Variants in FHAD1 observed in about 807,000 individuals in gnomAD.
FHAD1 encodes the protein forkhead associated phosphopeptide binding domain 1, also known as forkhead-associated domain-containing protein 1.
In FHAD1, 146 loss-of-function variants were observed where a neutral mutation model predicts 191.3. The observed-to-expected ratio is 0.76, with a 90% CI of 0.67 to 0.88. The LOEUF is 0.88. FHAD1 is among the 40% of genes least tolerant of loss of function. The pLI is 0.00. For missense variants in FHAD1, 1,635 were observed against 1,785.8 expected (o/e 0.92, Z 1.52); for synonymous variants, 616 against 672.3 (o/e 0.92, Z 1.29).
At chr1:15,288,791 C>T (rs528491534) in intron 3 of FHAD1, among the ~76,000 whole-genome samples, 13 of 152,164 alleles carry the variant, frequency 8.5e-5, no homozygotes, top group East Asian at 5.8e-4. Flanking sequence ...CTGTGTCCTC[C>T]GAGTGTTGAT....
At chr1:15,368,270 G>T (rs34864059) in intron 25 of FHAD1, among the ~76,000 whole-genome samples, 1 of 152,014 alleles carries the variant, frequency 6.6e-6, no homozygotes, top group Non-Finnish European at 1.5e-5. Flanking sequence ...CACCGCGCCC[G>T]GCCCCATTGC....
rs1334549542 is a variant in FHAD1, at chr1:15,327,466, C to T, written c.1557+324C>T. 8.7e-6 allele frequency: 2 copies of T among 230,240 alleles called. No individual in the cohort carries two copies. The highest frequency in any genetic ancestry group is 1.7e-5 in the Non-Finnish European group (2 of 117,870). The allele number at this position is 230,240 out of a possible 1,614,324, so 14.3% of individuals were successfully genotyped here. A position where few individuals can be genotyped will look rare whatever the true frequency, so the allele number is the denominator to read the frequency against. ...CCTCCCCACAGCCAGTGCGTTCTGG[C>T]GCGTTCCTTCAGAGGAGAAAAGTTG... is the stretch of plus-strand genomic sequence containing the variant. On this transcript the variant is annotated intron_variant, in intron 12 of 33. Transcript: ENST00000688493. The surrounding 1 kb of genome is among the most constrained non-coding windows in gnomAD (Gnocchi z 5.1).
intron 10 of FHAD1, among the ~76,000 whole-genome samples, chr1:15,322,650 T>C (rs557855389): frequency 6.6e-6 from 1 of 152,344 alleles, no homozygotes; most frequent in South Asian, 2.1e-4. Flanking sequence ...GTGGCCAGTG[T>C]CCACCCTATT....
At chr1:15,345,614 C>A in intron 18 of FHAD1, 91 bp downstream of exon 18, 3 of 1,010,538 alleles carry the variant, frequency 3.0e-6, no homozygotes, top group South Asian at 1.4e-5. Context: ...GGGGTGAGAT[C>A]GTGGTGGAGC....
At chr1:15,317,058 G>A (rs983363467) in intron 9 of FHAD1, among the ~76,000 whole-genome samples, 7 of 152,140 alleles carry the variant, frequency 4.6e-5, no homozygotes, top group Non-Finnish European at 7.3e-5. Context: ...ATGGTGGCGG[G>A]TGCCTGTAAT....
At chr1:15,360,099 C>T (rs995114000) in intron 21 of FHAD1, among the ~76,000 whole-genome samples, 1 of 152,170 alleles carries the variant, frequency 6.6e-6, no homozygotes, top group Non-Finnish European at 1.5e-5. Context: ...GGTGACAGAG[C>T]AAGACTCTGT....
intron 20 of FHAD1, among the ~76,000 whole-genome samples, chr1:15,355,228 G>A: frequency 6.7e-6 from 1 of 150,186 alleles, no homozygotes; most frequent in East Asian, 1.9e-4. Context: ...AAAAAAGAAA[G>A]TGGGGTCTTA....
At chr1:15,255,742 A>C (rs1647738936) in intron 2 of FHAD1, among the ~76,000 whole-genome samples, 1 of 152,206 alleles carries the variant, frequency 6.6e-6, no homozygotes, top group Non-Finnish European at 1.5e-5. Context: ...ACAAAGGGAG[A>C]AGGAACAGTG....
At chr1:15,248,049 G>T (rs146888509) in intron 1 of FHAD1, among the ~76,000 whole-genome samples, 193 of 146,862 alleles carry the variant, frequency 1.3e-3, no homozygotes, top group African/African-American at 5.0e-3. Flanking sequence ...TAAAGAAATA[G>T]ACTTTTTTTT....
At chr1:15,293,281 T>A (rs572300750) in intron 4 of FHAD1, among the ~76,000 whole-genome samples, 1 of 152,358 alleles carries the variant, frequency 6.6e-6, no homozygotes, top group African/African-American at 2.4e-5. Context: ...GTAACCACTC[T>A]TCCAAATTCT....
intron 19 of FHAD1, among the ~76,000 whole-genome samples, chr1:15,351,372 A>T (rs568209086): frequency 8.5e-5 from 13 of 152,180 alleles, no homozygotes; most frequent in Non-Finnish European, 1.5e-4. Flanking sequence ...AAATAAAAAA[A>T]TTTTTTTAAA....
In FHAD1 at chr1:15,389,447, C is replaced by CAAAAAAAAAAAAAAAAAAAAA. The variant is rs570569622; in HGVS notation, c.4269+1317_4269+1337dup. 5.0e-3 allele frequency among the ~76,000 whole-genome samples: 271 copies of CAAAAAAAAAAAAAAAAAAAAA among 54,166 alleles called. 16 individuals are homozygous for CAAAAAAAAAAAAAAAAAAAAA. The highest frequency in any genetic ancestry group is 0.01 in the African/African-American group (130 of 12,890). The allele number at this position is 54,166 out of a possible 152,430, so 35.5% of individuals were successfully genotyped here. On this transcript the variant is annotated intron_variant, in intron 32 of 33. Coordinates refer to ENST00000688493, the MANE Select transcript of FHAD1 (RefSeq NM_001391957.1). ...TGAGCAACAGAGGAAGAACCTGTCTCAAAAAAAAAAAAAAAAAAAAACCTG... is the reference window on the plus strand; with the variant it reads ...TGAGCAACAGAGGAAGAACCTGTCTCAAAAAAAAAAAAAAAAAAAAAAAAAAAAAAAAAAAAAAAAAACCTG...
intron 26 of FHAD1, among the ~76,000 whole-genome samples, chr1:15,373,382 T>C (rs1160086457): frequency 7.0e-6 from 1 of 143,238 alleles, no homozygotes; most frequent in Non-Finnish European, 1.5e-5. Context: ...CGTGGTGGCA[T>C]GCACCTGTAA....
At chr1:15,297,299 T>C (rs1026281020) in intron 5 of FHAD1, among the ~76,000 whole-genome samples, 4 of 152,166 alleles carry the variant, frequency 2.6e-5, no homozygotes, top group Non-Finnish European at 4.4e-5. Context: ...AACAGATAAA[T>C]TGAAGCAAAC....
At position 15,266,016 on chromosome 1, in the gene FHAD1, G is replaced by A. The variant is rs148894880; in HGVS notation, c.94-6307G>A. On this transcript the variant is annotated intron_variant, in intron 2 of 33. Coordinates refer to ENST00000688493, the MANE Select transcript of FHAD1 (RefSeq NM_001391957.1). ...AGAGAGAGAGTTCTTAGAGCACAAA[G>A]AAATGTGGTCAGTAGGAATGGAGAT... Among the ~76,000 whole-genome samples the A allele has an allele frequency of 1.8e-3, 262 of 147,214 alleles. 8 individuals carry two copies. The East Asian group carries it at 0.048, about 27-fold the overall frequency.
intron 20 of FHAD1, among the ~76,000 whole-genome samples, chr1:15,353,793 C>T (rs192925215): frequency 5.0e-4 from 75 of 148,788 alleles, no homozygotes; most frequent in East Asian, 8.0e-4. Context: ...AGGCTGATAT[C>T]AGTTTTCCCA....
At chr1:15,258,628 AGG>A (rs1649496760) in intron 2 of FHAD1, among the ~76,000 whole-genome samples, 1 of 149,808 alleles carries the variant, frequency 6.7e-6, no homozygotes. Context: ...TCTGTTGCCC[AGG>A]CTGGAGTGCA....
At chr1:15,335,923 C>G (rs778700724) in intron 14 of FHAD1, among the ~76,000 whole-genome samples, 2 of 152,154 alleles carry the variant, frequency 1.3e-5, no homozygotes, top group Non-Finnish European at 1.5e-5. Flanking sequence ...CCTTTGATTC[C>G]TGGGTCACAC....
In FHAD1 at chr1:15,318,633, C is replaced by CAA. The variant is rs959717069; in HGVS notation, c.1365+717_1365+718dup. On this transcript the variant is annotated intron_variant, in intron 10 of 33. Transcript: ENST00000688493. This position sits in a 1 kb window ranked among gnomAD's most constrained non-coding sequence, Gnocchi z 4.1. The stretch of plus-strand genomic sequence containing the variant: ...TGGGCGACAGAGCAAGACTCCGTCT[C>CAA]AAAAAAAAAAAAATTTAATTAAAAA... 1.4e-5 allele frequency among the ~76,000 whole-genome samples: 2 copies of CAA among 139,606 alleles called. No individual in the cohort carries two copies. The highest frequency in any genetic ancestry group is 3.1e-5 in the Non-Finnish European group (2 of 64,032). 91.6% of individuals were successfully genotyped at this position (139,606 alleles called of 152,430 possible).
Sources: gnomAD v4.1 joint callset for allele counts (sites outside exome capture counted in the v4.1 genomes callset) on GRCh38, gnomAD v4.1.1 for gene constraint, Gnocchi (gnomAD v3.1) non-coding constraint, MANE v1.5 for transcripts, NCBI Gene and HGNC (gene_info 2026-07-23, HGNC 2026-07-21) for gene names.